SLC41A2: variants seen among roughly 807,000 people sequenced by gnomAD.
SLC41A2 encodes solute carrier family 41 member 2.
In SLC41A2, 32 loss-of-function variants were observed where a neutral mutation model predicts 58.3. The observed-to-expected ratio is 0.55, with a 90% CI of 0.41 to 0.74. The LOEUF is 0.74. Ranked by LOEUF, SLC41A2 falls within the 30% of genes least tolerant of loss-of-function variation. The pLI is 0.00. For missense variants in SLC41A2, 514 were observed against 680.6 expected, an observed-to-expected ratio of 0.76 and a Z score of 2.72; for synonymous variants, 190 against 235.0, an observed-to-expected ratio of 0.81 and a Z score of 1.75.
At chr12:104,842,601 G>T (rs1313264016) in intron 10 of SLC41A2, among the ~76,000 whole-genome samples, 1 of 151,986 alleles carries the variant, frequency 6.6e-6, no homozygotes, top group African/African-American at 2.4e-5. Flanking sequence ...CAGCCTGTCT[G>T]GTAGATAGTA....
intron 8 of SLC41A2, among the ~76,000 whole-genome samples, chr12:104,859,823 C>T (rs889149442): frequency 2.6e-5 from 4 of 151,948 alleles, no homozygotes; most frequent in African/African-American, 9.7e-5. Flanking sequence ...ACCTCTGCCT[C>T]CCTCCCAGGC....
At chr12:104,808,691 T>G (rs1259934048) in intron 10 of SLC41A2, among the ~76,000 whole-genome samples, 1 of 152,216 alleles carries the variant, frequency 6.6e-6, no homozygotes, top group East Asian at 1.9e-4. Context: ...TGAATCCATC[T>G]GGTCCTGGAC....
At chr12:104,810,384 A>T (rs912945158) in intron 10 of SLC41A2, among the ~76,000 whole-genome samples, 1 of 152,220 alleles carries the variant, frequency 6.6e-6, no homozygotes, top group Non-Finnish European at 1.5e-5. Flanking sequence ...CAAGAAAAAT[A>T]AATGAATAAA....
At chr12:104,940,700 CT>C (rs1208263197) in intron 1 of SLC41A2, among the ~76,000 whole-genome samples, 1 of 151,374 alleles carries the variant, frequency 6.6e-6, no homozygotes, top group East Asian at 1.9e-4. Context: ...GGTGGATCAC[CT>C]GAGGTCAGGA....
intron 10 of SLC41A2, among the ~76,000 whole-genome samples, chr12:104,813,363 A>AG (rs2041256182): frequency 6.6e-6 from 1 of 152,184 alleles, no homozygotes; most frequent in Non-Finnish European, 1.5e-5. Flanking sequence ...TATTAAAAAA[A>AG]GATTGAGCAT....
chr12:104,894,688 G>A (rs2045193559), intron 4 of SLC41A2, among the ~76,000 whole-genome samples: 1 of 152,134 alleles, frequency 6.6e-6, no homozygotes, highest in South Asian at 2.1e-4. Context: ...ATTACTAGGG[G>A]TAGTCGCAGT....
At chr12:104,876,313 T>G (rs2044038898) in intron 6 of SLC41A2, among the ~76,000 whole-genome samples, 1 of 152,144 alleles carries the variant, frequency 6.6e-6, no homozygotes, top group Non-Finnish European at 1.5e-5. Context: ...TTTACTTTAT[T>G]CTTTTTTTCC....
intron 10 of SLC41A2, among the ~76,000 whole-genome samples, chr12:104,825,975 G>A (rs12580114): frequency 0.058 from 8,847 of 152,206 alleles, 604 homozygotes; most frequent in East Asian, 0.16. Context: ...TTGCACCTAC[G>A]GCCAGCACCT....
intron 10 of SLC41A2, among the ~76,000 whole-genome samples, chr12:104,807,598 G>T (rs1290420703): frequency 2.0e-5 from 3 of 152,138 alleles, no homozygotes; most frequent in Non-Finnish European, 4.4e-5. Context: ...CCAATTCTGT[G>T]AAGAAAGTCA....
At chr12:104,810,698 T>G (rs2041136143) in intron 10 of SLC41A2, among the ~76,000 whole-genome samples, 1 of 152,186 alleles carries the variant, frequency 6.6e-6, no homozygotes, top group Admixed American at 6.5e-5. Flanking sequence ...GGTTTACTAT[T>G]CCTAATGTTC....
At chr12:104,805,376 C>T (rs763890991) in intron 10 of SLC41A2, 39 bp from the exon 11 acceptor site, 21 of 1,549,066 alleles carry the variant, frequency 1.4e-5, no homozygotes, top group Admixed American at 3.7e-5. Context: ...GCTGCCTGGA[C>T]ATTCCTAGCC....
rs373566107 is a variant in SLC41A2, at chr12:104,845,846, G to A, written c.1384C>T (p.Pro462Ser). The A allele has an allele frequency of 1.3e-5, 21 of 1,612,082 alleles. No homozygotes were observed. Among genetic ancestry groups the A allele is most frequent in the Non-Finnish European group, 1.7e-5 (20 of 1,178,846 alleles). ...CYYPFRTFFG[P>S]GVNNKSAQVL... ...GCAAAAATCCATAAGCACATACCTGGACCAAAGAAAGTTCTAAATGGGTAG... is the reference window on the plus strand; with the variant it reads ...GCAAAAATCCATAAGCACATACCTGAACCAAAGAAAGTTCTAAATGGGTAG... Residue 462 changes from proline (P) to serine (S), a missense_variant, in exon 9 of 11, where the codon CCA becomes TCA. Coordinates refer to ENST00000258538, the MANE Select transcript of SLC41A2 (RefSeq NM_001352171.3).
In SLC41A2 at chr12:104,835,050, CTATTGATGATGATGA is replaced by C. The variant is rs2042160455; in HGVS notation, c.1536+9407_1536+9421del. 2.0e-5 allele frequency among the ~76,000 whole-genome samples: 3 copies of C among 152,110 alleles called. No individual in the cohort carries two copies. In the South Asian group the frequency reaches 6.2e-4, roughly 32 times the overall value. ...GAGTCACTGTCCCAGTAATCCATAG[CTATTGATGATGATGA>C]TGTTGATATTAAAAAATAAGACAAT... On this transcript the variant is annotated intron_variant, in intron 10 of 10. Transcript: ENST00000258538.
intron 1 of SLC41A2, among the ~76,000 whole-genome samples, chr12:104,952,612 C>T (rs2047997432): frequency 6.6e-6 from 1 of 152,172 alleles, no homozygotes; most frequent in South Asian, 2.1e-4. Context: ...ATAAGGTTAA[C>T]TAAATCCTGC....
rs1491116311 is a variant in SLC41A2 at position 104,947,194 on chromosome 12, C to CTTT, written c.-168+10893_-168+10894insAAA. Among the ~76,000 whole-genome samples, 73 of 53,686 alleles carry CTTT rather than the reference C, an allele frequency of 1.4e-3. 30 individuals carry two copies. The highest frequency in any genetic ancestry group is 3.5e-3 in the South Asian group (4 of 1,134). 35.2% of individuals were successfully genotyped at this position (53,686 alleles called of 152,430 possible). A position where few individuals can be genotyped will look rare whatever the true frequency, so the allele number is the denominator to read the frequency against. ...CTGAATTTCTGGCTTTTATTTTTGT[C>CTTT]CTTTTTTTTTTTTTTTTTTTTTTTT... On this transcript the variant is annotated intron_variant, in intron 1 of 10. Transcript: ENST00000258538.
chr12:104,845,424 C>T (rs2136334856), intron 9 of SLC41A2, among the ~76,000 whole-genome samples: 1 of 152,236 alleles, frequency 6.6e-6, no homozygotes, highest in South Asian at 2.1e-4. Context: ...TTTGTTTTTT[C>T]ATAGCCACAT....
At chr12:104,900,330 T>A (rs952125011) in intron 3 of SLC41A2, among the ~76,000 whole-genome samples, 1 of 152,218 alleles carries the variant, frequency 6.6e-6, no homozygotes, top group African/African-American at 2.4e-5. Flanking sequence ...AGAAACACTG[T>A]TACATATTTT....
At chr12:104,828,574 C>T (rs576367730) in intron 10 of SLC41A2, among the ~76,000 whole-genome samples, 3 of 152,150 alleles carry the variant, frequency 2.0e-5, no homozygotes, top group Non-Finnish European at 4.4e-5. Context: ...AGCTCCACAG[C>T]CTGCCCATCT....
At chr12:104,907,627 T>C (rs2045909656) in intron 3 of SLC41A2, among the ~76,000 whole-genome samples, 1 of 152,230 alleles carries the variant, frequency 6.6e-6, no homozygotes, top group Non-Finnish European at 1.5e-5. Context: ...TGTTATTTAT[T>C]GGTTTTATAA....
Sources: allele counts gnomAD v4.1 joint callset (sites outside exome capture counted in the v4.1 genomes callset), GRCh38; gene constraint gnomAD v4.1.1; transcripts MANE v1.5; gene names NCBI Gene and HGNC (gene_info 2026-07-23, HGNC 2026-07-21).